The following ATXN7L1 variants were observed in gnomAD, a reference collection of about 807,000 sequenced individuals.
The protein encoded by ATXN7L1 is ataxin 7 like 1.
A neutral mutation model predicts 70.8 loss-of-function variants in ATXN7L1; 15 were observed. The observed-to-expected ratio is 0.21, with a 90% confidence interval of 0.14 to 0.33. ATXN7L1 has a LOEUF of 0.33. ATXN7L1 is among the 10% of genes least tolerant of loss of function. The probability of loss-of-function intolerance (pLI) is 1.00; values close to 1 mark genes in which losing one functional copy is unlikely to be tolerated. For synonymous variants in ATXN7L1, 440 were observed against 445.1 expected (o/e 0.99, Z 0.14); for missense variants, 975 against 1,097.1 (o/e 0.89, Z 1.57).
chr7:105,702,856 T>C (rs1376174308), intron 3 of ATXN7L1, among the ~76,000 whole-genome samples: 1 of 152,050 alleles, frequency 6.6e-6, no homozygotes, highest in Non-Finnish European at 1.5e-5. Flanking sequence ...CAGTGGCTCA[T>C]GCCTGTAATC....
At chr7:105,637,963 A>G (rs1446574002) in intron 7 of ATXN7L1, among the ~76,000 whole-genome samples, 6 of 152,196 alleles carry the variant, frequency 3.9e-5, no homozygotes, top group Non-Finnish European at 8.8e-5. Context: ...GGAATCGTCA[A>G]CTAATATAAA....
chr7:105,673,553 A>G (rs1584662811), intron 3 of ATXN7L1, among the ~76,000 whole-genome samples: 1 of 152,214 alleles, frequency 6.6e-6, no homozygotes, highest in East Asian at 1.9e-4. Context: ...GCCGGTTTCT[A>G]TCTTATCAGT....
intron 3 of ATXN7L1, among the ~76,000 whole-genome samples, chr7:105,758,033 A>G (rs527727806): frequency 2.0e-5 from 3 of 149,412 alleles, no homozygotes; most frequent in Non-Finnish European, 4.4e-5. Context: ...GGAATTCCAT[A>G]GTTCTTCCCT....
At chr7:105,700,891 A>C (rs985833260) in intron 3 of ATXN7L1, among the ~76,000 whole-genome samples, 1 of 152,118 alleles carries the variant, frequency 6.6e-6, no homozygotes, top group Non-Finnish European at 1.5e-5. Flanking sequence ...CATGTTGTGC[A>C]GGCTGCTCTC....
At chr7:105,774,773 T>A (rs932865675) in intron 3 of ATXN7L1, among the ~76,000 whole-genome samples, 1 of 152,122 alleles carries the variant, frequency 6.6e-6, no homozygotes, top group Admixed American at 6.5e-5. Flanking sequence ...GAAGATTACA[T>A]ATGGGGTGGA....
chr7:105,658,781 G>A (rs1801107938), intron 4 of ATXN7L1, among the ~76,000 whole-genome samples: 1 of 152,006 alleles, frequency 6.6e-6, no homozygotes, highest in East Asian at 1.9e-4. Flanking sequence ...TGATCCATCC[G>A]CTTCGGCTTC....
chr7:105,728,297 G>A (rs1209929224), intron 3 of ATXN7L1, among the ~76,000 whole-genome samples: 8 of 152,116 alleles, frequency 5.3e-5, no homozygotes, highest in Non-Finnish European at 4.4e-5. Flanking sequence ...TCCTCTATTC[G>A]ATAACATTGT....
intron 2 of ATXN7L1, 130 bp downstream of exon 2, chr7:105,875,682 A>C (rs1220622077): frequency 2.0e-6 from 1 of 498,344 alleles, no homozygotes; most frequent in Non-Finnish European, 3.3e-6. Flanking sequence ...AGCAGTAGTC[A>C]CCTGGGCGTG....
At chr7:105,858,292 A>G (rs1816035834) in intron 2 of ATXN7L1, among the ~76,000 whole-genome samples, 1 of 152,238 alleles carries the variant, frequency 6.6e-6, no homozygotes, top group Admixed American at 6.5e-5. Context: ...TACTATGAGC[A>G]CTGATAATTA....
intron 3 of ATXN7L1, among the ~76,000 whole-genome samples, chr7:105,734,426 A>G (rs1191119139): frequency 6.6e-6 from 1 of 152,258 alleles, no homozygotes; most frequent in African/African-American, 2.4e-5. Flanking sequence ...CCAATCTGCC[A>G]TCACTCAGAA....
intron 2 of ATXN7L1, among the ~76,000 whole-genome samples, chr7:105,803,656 C>A (rs1807150000): frequency 6.6e-6 from 1 of 152,192 alleles, no homozygotes; most frequent in Non-Finnish European, 1.5e-5. Context: ...TCCAGCCAGC[C>A]TGACTGAACT....
chr7:105,610,874 G>A (rs959882005), intron 10 of ATXN7L1, among the ~76,000 whole-genome samples: 7 of 152,242 alleles, frequency 4.6e-5, no homozygotes, highest in African/African-American at 1.4e-4. Flanking sequence ...GAACAGGGAA[G>A]GATGAGGACA....
chr7:105,638,671 G>C, intron 6 of ATXN7L1, 62 bp from the exon 7 acceptor site: 1 of 1,467,940 alleles, frequency 6.8e-7, no homozygotes, highest in Non-Finnish European at 9.0e-7. Flanking sequence ...TGCTTCCCCA[G>C]GCCCTCCATT....
At position 105,709,207 on chromosome 7, in the gene ATXN7L1, G is replaced by A. The variant is rs184589397; in HGVS notation, c.356-43919C>T. Among the ~76,000 whole-genome samples the A allele has an allele frequency of 5.7e-4, 86 of 152,174 alleles. 4 individuals are homozygous for A. The East Asian group carries it at 0.015, about 26-fold the overall frequency. On this transcript the variant is annotated intron_variant, in intron 3 of 11. Coordinates refer to ENST00000419735, the MANE Select transcript of ATXN7L1 (RefSeq NM_020725.2). ...AAATTAGATGGGCATGGTGGCGGGC[G>A]CCTATAATCCCAGCTACTTGGGAGG...
Position 105,605,476 on chromosome 7 carries a change from G to T in ATXN7L1, c.*2376C>A, listed in dbSNP as rs1432231208. On this transcript the variant is annotated 3_prime_UTR_variant, in exon 12 of 12. Transcript: ENST00000419735. Reference sequence around the variant, plus strand: ...AAAGTAAGCAGCATTCGATGAGGGTGGGGGGGGGGGTGGGGGCTCTTTATT... The same window carrying T: ...AAAGTAAGCAGCATTCGATGAGGGTTGGGGGGGGGGTGGGGGCTCTTTATT... The T allele has an allele frequency of 1.7e-3, 9 of 5,236 alleles. No homozygotes were observed. Among genetic ancestry groups the T allele is most frequent in the South Asian group, 0.036 (2 of 56 alleles). The allele number at this position is 5,236 out of a possible 1,614,324, so 0.3% of individuals were successfully genotyped here. A position where few individuals can be genotyped will look rare whatever the true frequency, so the allele number is the denominator to read the frequency against.
intron 7 of ATXN7L1, among the ~76,000 whole-genome samples, chr7:105,637,546 A>G (rs768744249): frequency 6.6e-6 from 1 of 152,206 alleles, no homozygotes; most frequent in African/African-American, 2.4e-5. Flanking sequence ...CCCCTGCCTG[A>G]GAGTACCTAA....
chr7:105,714,978 C>T (rs983508275), intron 3 of ATXN7L1, among the ~76,000 whole-genome samples: 2 of 152,104 alleles, frequency 1.3e-5, no homozygotes, highest in African/African-American at 2.4e-5. Flanking sequence ...CTAAGGGTTA[C>T]CCTAGAAGCC....
intron 3 of ATXN7L1, among the ~76,000 whole-genome samples, chr7:105,731,925 T>C (rs1361165899): frequency 1.3e-5 from 2 of 151,488 alleles, no homozygotes; most frequent in Non-Finnish European, 2.9e-5. Flanking sequence ...AAACTCCATC[T>C]CTACTAAAAA....
intron 11 of ATXN7L1, 28 bp downstream of exon 11, chr7:105,610,501 T>TGGGGG: frequency 9.8e-6 from 15 of 1,526,502 alleles, no homozygotes; most frequent in African/African-American, 1.4e-5. Context: ...TATGAATTTT[T>TGGGGG]GCCCCACCCC....
Sources: allele counts gnomAD v4.1 joint callset (sites outside exome capture counted in the v4.1 genomes callset), GRCh38; gene constraint gnomAD v4.1.1; transcripts MANE v1.5; gene names NCBI Gene and HGNC (gene_info 2026-07-23, HGNC 2026-07-21).